PHF20: variants seen among roughly 807,000 people sequenced by gnomAD.
PHF20 encodes the protein glioma-expressed antigen 2.
PHF20 carries 23 observed loss-of-function variants against 113.5 expected under a neutral mutation model. The ratio of observed to expected loss-of-function variants is 0.20; its 90% CI spans 0.15 to 0.29. The LOEUF (loss-of-function observed/expected upper bound fraction) is 0.29. Among genes scored for constraint, PHF20 ranks in the 10% least tolerant of loss-of-function variants. The pLI is 1.00. For synonymous variants in PHF20, 434 were observed against 457.3 expected, an observed-to-expected ratio of 0.95 and a Z score of 0.65; for missense variants, 943 against 1,219.6, an observed-to-expected ratio of 0.77 and a Z score of 3.38.
At chr20:35,773,616 T>G (rs1420064006) in intron 1 of PHF20, among the ~76,000 whole-genome samples, 1 of 152,204 alleles carries the variant, frequency 6.6e-6, no homozygotes, top group Non-Finnish European at 1.5e-5. Flanking sequence ...TCTTCTCTCT[T>G]GGCTTGCCCA....
At chr20:35,894,148 A>G (rs553106143) in intron 9 of PHF20, among the ~76,000 whole-genome samples, 27 of 152,336 alleles carry the variant, frequency 1.8e-4, no homozygotes, top group African/African-American at 5.3e-4. Context: ...CGTAGACGAA[A>G]TGAAGTGCTT....
At chr20:35,853,619 ATGT>A (rs1159373463) in intron 4 of PHF20, among the ~76,000 whole-genome samples, 2 of 152,004 alleles carry the variant, frequency 1.3e-5, no homozygotes, top group Non-Finnish European at 2.9e-5. Context: ...TTGGCTGGAC[ATGT>A]TGGTGCATGC....
chr20:35,849,703 T>C (rs1182466518), intron 4 of PHF20, among the ~76,000 whole-genome samples: 2 of 152,192 alleles, frequency 1.3e-5, no homozygotes, highest in Non-Finnish European at 2.9e-5. Flanking sequence ...TCAGGTTCAT[T>C]CGTAGCAGTG....
chr20:35,821,957 A>G (rs917555802), intron 2 of PHF20, among the ~76,000 whole-genome samples: 2 of 152,236 alleles, frequency 1.3e-5, no homozygotes, highest in African/African-American at 2.4e-5. Flanking sequence ...GGTAGACTTC[A>G]GTAGAACTAG....
intron 13 of PHF20, among the ~76,000 whole-genome samples, chr20:35,926,362 C>T (rs879553647): frequency 0.14 from 12,706 of 88,844 alleles, no homozygotes; most frequent in Non-Finnish European, 0.2. Flanking sequence ...CTCAGCCTCC[C>T]GAGTAGCTGG....
chr20:35,929,072 G>A (rs1381518958), intron 14 of PHF20, among the ~76,000 whole-genome samples: 2 of 152,192 alleles, frequency 1.3e-5, no homozygotes, highest in Non-Finnish European at 2.9e-5. Context: ...GATTCCTTTA[G>A]AGCTAGACAG....
chr20:35,831,116 C>G (rs1022114925), intron 2 of PHF20, among the ~76,000 whole-genome samples: 8 of 151,870 alleles, frequency 5.3e-5, no homozygotes, highest in Non-Finnish European at 8.8e-5. Flanking sequence ...AAAGTTATTT[C>G]TTTCTTCCTT....
chr20:35,808,202 T>C (rs2041917167), intron 2 of PHF20, among the ~76,000 whole-genome samples: 1 of 152,164 alleles, frequency 6.6e-6, no homozygotes, highest in Non-Finnish European at 1.5e-5. Context: ...TGCCTCTTCC[T>C]TTCCAATCCT....
At chr20:35,774,456 T>G (rs1262897897) in intron 1 of PHF20, 2 of 152,192 alleles carry the variant, frequency 1.3e-5, no homozygotes, top group Admixed American at 1.3e-4. Context: ...CCTCAATAGT[T>G]CTTTCTTTTG....
chr20:35,803,311 CA>C (rs1353986017), intron 2 of PHF20, among the ~76,000 whole-genome samples: 1 of 149,276 alleles, frequency 6.7e-6, no homozygotes, highest in Non-Finnish European at 1.5e-5. Context: ...ATTTTCAACA[CA>C]GTTGTTTTTG....
At chr20:35,774,469 T>A (rs1220854370) in intron 1 of PHF20, 1 of 152,174 alleles carries the variant, frequency 6.6e-6, no homozygotes, top group East Asian at 1.9e-4. Flanking sequence ...TTCTTTTGTG[T>A]TTCCTTCTGC....
chr20:35,867,437 G>A (rs1255155187), intron 6 of PHF20, among the ~76,000 whole-genome samples: 1 of 151,828 alleles, frequency 6.6e-6, no homozygotes, highest in African/African-American at 2.4e-5. Flanking sequence ...TTTTTTGTAT[G>A]TTTAGTAGAG....
At chr20:35,892,803 G>A (rs2054900752) in intron 9 of PHF20, among the ~76,000 whole-genome samples, 1 of 152,150 alleles carries the variant, frequency 6.6e-6, no homozygotes, top group Non-Finnish European at 1.5e-5. Flanking sequence ...TTATCAACTG[G>A]CTTATAATCA....
intron 1 of PHF20, chr20:35,782,427 G>A (rs2041319823): frequency 6.6e-6 from 1 of 152,112 alleles, no homozygotes; most frequent in Admixed American, 6.6e-5. Flanking sequence ...TAGGATTACA[G>A]GCGGATGCCA....
intron 9 of PHF20, among the ~76,000 whole-genome samples, chr20:35,879,028 C>T (rs2054580507): frequency 6.6e-6 from 1 of 152,168 alleles, no homozygotes; most frequent in Non-Finnish European, 1.5e-5. Flanking sequence ...TTAAGATGAA[C>T]TTAGTTCTAA....
chr20:35,835,351 C>T (rs1006598810), intron 2 of PHF20, among the ~76,000 whole-genome samples: 1 of 152,126 alleles, frequency 6.6e-6, no homozygotes, highest in Non-Finnish European at 1.5e-5. Flanking sequence ...AAAGAACTAC[C>T]TTCTGAGAAG....
At chr20:35,941,151 C>A in intron 17 of PHF20, 104 bp downstream of exon 17, 3 of 792,708 alleles carry the variant, frequency 3.8e-6, no homozygotes, top group Non-Finnish European at 6.0e-6. Context: ...GACCGCTGTA[C>A]TCTTTGCTTC....
chr20:35,896,406 T>C (rs1402914124), intron 9 of PHF20, among the ~76,000 whole-genome samples: 1 of 152,044 alleles, frequency 6.6e-6, no homozygotes, highest in Non-Finnish European at 1.5e-5. Flanking sequence ...TTTAATATAA[T>C]ATATTCTTGG....
chr20:35,880,480 T>C (rs1485444706), intron 9 of PHF20, among the ~76,000 whole-genome samples: 6 of 152,116 alleles, frequency 3.9e-5, no homozygotes. Flanking sequence ...GCAGGATTGC[T>C]TTCCTTCCAT....
Sources: allele counts gnomAD v4.1 joint callset (sites outside exome capture counted in the v4.1 genomes callset), GRCh38; gene constraint gnomAD v4.1.1; transcripts MANE v1.5; gene names NCBI Gene and HGNC (gene_info 2026-07-23, HGNC 2026-07-21).